Variants in PSMA6 observed in about 807,000 individuals in gnomAD.
The protein encoded by PSMA6 is proteasome subunit alpha type-6.
For missense variants in PSMA6, 170 were observed against 294.8 expected, an observed-to-expected ratio of 0.58 and a Z score of 3.10; for synonymous variants, 88 against 97.7, an observed-to-expected ratio of 0.90 and a Z score of 0.59.
chr14:35,303,304 G>A (rs1364026310), intron 1 of PSMA6, among the ~76,000 whole-genome samples: 2 of 152,166 alleles, frequency 1.3e-5, no homozygotes, highest in Non-Finnish European at 2.9e-5. Context: ...TGCCTTGTGT[G>A]TGTTGTTATG....
At chr14:35,292,232 G>A, upstream of PSMA6, 1 of 1,187,844 alleles carries the variant, frequency 8.4e-7, no homozygotes, top group Non-Finnish European at 1.1e-6. Context: ...CACTCAAGAG[G>A]CCTGCTTGGC....
intron 6 of PSMA6, chr14:35,314,762 C>T (rs968161106): frequency 4.1e-5 from 7 of 168,982 alleles, no homozygotes; most frequent in Middle Eastern, 2.6e-3. Context: ...TAGTTTAAGG[C>T]CAATACAAAT....
chr14:35,307,272 G>T (rs1010648875), intron 1 of PSMA6, among the ~76,000 whole-genome samples: 3 of 152,132 alleles, frequency 2.0e-5, no homozygotes, highest in African/African-American at 7.2e-5. Flanking sequence ...ACTTCATGTG[G>T]TCAAATTAGT....
At chr14:35,282,360 G>A (rs1424593428) in intron 1 of PSMA6, among the ~76,000 whole-genome samples, 1 of 151,864 alleles carries the variant, frequency 6.6e-6, no homozygotes, top group Non-Finnish European at 1.5e-5. Context: ...TCAGCCTCCT[G>A]AGTAGCTGGT....
At chr14:35,304,928 T>A (rs1393474356) in intron 1 of PSMA6, among the ~76,000 whole-genome samples, 2 of 151,924 alleles carry the variant, frequency 1.3e-5, no homozygotes, top group Non-Finnish European at 2.9e-5. Context: ...AAAAATTGTT[T>A]TAAATTAGGC....
intron 1 of PSMA6, among the ~76,000 whole-genome samples, chr14:35,303,314 G>T (rs1285766864): frequency 6.6e-6 from 1 of 152,092 alleles, no homozygotes; most frequent in Non-Finnish European, 1.5e-5. Context: ...GTGTTGTTAT[G>T]GAATCTGCTA....
At chr14:35,313,446 G>A (rs2051982739) in intron 5 of PSMA6, 1 of 156,812 alleles carries the variant, frequency 6.4e-6, no homozygotes. Context: ...AATTTTAGTA[G>A]ATTTTGGGTG....
At chr14:35,286,629 G>T (rs1340101556) in intron 1 of PSMA6, among the ~76,000 whole-genome samples, 1 of 152,130 alleles carries the variant, frequency 6.6e-6, no homozygotes, top group East Asian at 1.9e-4. Flanking sequence ...CTATAGAGGG[G>T]TTCATGTATA....
intron 6 of PSMA6, chr14:35,315,609 A>G (rs1242829109): frequency 2.7e-5 from 4 of 148,152 alleles, no homozygotes; most frequent in Admixed American, 6.7e-5. Flanking sequence ...AATCTATCCT[A>G]GCTTTTCTTC....
intron 1 of PSMA6, among the ~76,000 whole-genome samples, chr14:35,279,641 T>C (rs2051343792): frequency 6.6e-6 from 1 of 152,174 alleles, no homozygotes; most frequent in Non-Finnish European, 1.5e-5. Context: ...CTCCAACTCC[T>C]AAAGAAATAA....
chr14:35,296,337 G>GTTTA (rs1297188153), intron 1 of PSMA6, among the ~76,000 whole-genome samples: 1 of 151,976 alleles, frequency 6.6e-6, no homozygotes, highest in African/African-American at 2.4e-5. Flanking sequence ...TTGTTTGTTT[G>GTTTA]TTTGTTTGTT....
Position 35,300,812 on chromosome 14 carries a change from A to G in PSMA6, c.77-7182A>G, listed in dbSNP as rs576308245. Among the ~76,000 whole-genome samples, 3 of 152,316 alleles carry G rather than the reference A, an allele frequency of 2.0e-5. No individual in the cohort carries two copies. In the South Asian group the frequency reaches 6.2e-4, roughly 32 times the overall value. ...GAATGGACATTTCTTGGGAAAGGGC[A>G]GGAGGTTAGAGTCAAGAGTGATAAC... On this transcript the variant is annotated intron_variant, in intron 1 of 6. Transcript: ENST00000261479.
chr14:35,309,444 G>A (rs1351412769), intron 3 of PSMA6, among the ~76,000 whole-genome samples: 5 of 152,040 alleles, frequency 3.3e-5, no homozygotes, highest in Admixed American at 1.3e-4. Flanking sequence ...AAGACCAAGA[G>A]TTCAAAACCA....
At chr14:35,308,844 AT>A (rs891168480) in intron 2 of PSMA6, 69 bp from the exon 3 acceptor site, 72 of 1,177,846 alleles carry the variant, frequency 6.1e-5, no homozygotes, top group Middle Eastern at 2.0e-4. Context: ...TAAAAACATA[AT>A]TTTTTTTATA....
rs147945485 is a variant in PSMA6, at chr14:35,293,315, G to A, written c.76+763G>A. On this transcript the variant is annotated intron_variant, in intron 1 of 6. Coordinates refer to ENST00000261479, the MANE Select transcript of PSMA6 (RefSeq NM_002791.3). ...AGTTTACTGAAGAACACCTGTAGTG[G>A]AAAGAAACTATCAGTTACTCGGAAT... 7.4e-4 allele frequency: 179 copies of A among 242,336 alleles called. 1 individual carries two copies. The highest frequency in any genetic ancestry group is 3.7e-3 in the African/African-American group (163 of 43,842). 15.0% of individuals were successfully genotyped at this position (242,336 alleles called of 1,614,324 possible).
At chr14:35,308,233 C>G in intron 2 of PSMA6, 145 bp downstream of exon 2, 5 of 999,498 alleles carry the variant, frequency 5.0e-6, no homozygotes, top group Non-Finnish European at 7.0e-6. Flanking sequence ...ACCAGCGTGA[C>G]CAACATGGAG....
chr14:35,291,878 A>G (rs10144857), upstream of PSMA6, among the ~76,000 whole-genome samples: 39,648 of 150,444 alleles, frequency 0.26, 7,067 homozygotes, highest in African/African-American at 0.5. Flanking sequence ...GCTGGCCAAA[A>G]GAAGATCTTG....
chr14:35,281,881 T>C (rs1198091314), intron 1 of PSMA6, among the ~76,000 whole-genome samples: 1 of 152,200 alleles, frequency 6.6e-6, no homozygotes, highest in African/African-American at 2.4e-5. Context: ...CAGCCACTAC[T>C]CCTGGCCCTA....
rs948287901 is a variant in PSMA6, at chr14:35,307,904, C to T, written c.77-90C>T. ...ATATGAGCATTCTGTGTTCATGTAG[C>T]TCTTTCTCATTCTTTTTAATGACTA... On this transcript the variant is annotated intron_variant, in intron 1 of 6. Coordinates refer to ENST00000261479, the MANE Select transcript of PSMA6 (RefSeq NM_002791.3). 24 of 1,227,650 alleles carry T rather than the reference C, an allele frequency of 2.0e-5. No homozygotes were observed. The East Asian group carries it at 6.1e-4, about 31-fold the overall frequency. The allele number at this position is 1,227,650 out of a possible 1,614,324, so 76.0% of individuals were successfully genotyped here.
Sources: gnomAD v4.1 joint callset for allele counts (sites outside exome capture counted in the v4.1 genomes callset) on GRCh38, gnomAD v4.1.1 for gene constraint, MANE v1.5 for transcripts, NCBI Gene and HGNC (gene_info 2026-07-23, HGNC 2026-07-21) for gene names.